Variants in ZNF385C observed in about 807,000 individuals in gnomAD.
ZNF385C encodes the protein zinc finger protein 385C, also known as CTD-2132N18.2.
ZNF385C carries 28 observed loss-of-function variants against 35.4 expected under a neutral mutation model. The ratio of observed to expected loss-of-function variants is 0.79; its 90% CI spans 0.59 to 1.08. The LOEUF (loss-of-function observed/expected upper bound fraction) is 1.08, where lower values mean the gene tolerates loss of function less well. Ranked by LOEUF, ZNF385C falls within the 50% of genes least tolerant of loss-of-function variation. The probability of loss-of-function intolerance (pLI) is 0.00; values close to 1 mark genes in which losing one functional copy is unlikely to be tolerated. For synonymous variants in ZNF385C, 248 were observed against 248.2 expected (o/e 1.00, Z 0.01); for missense variants, 605 against 595.6 (o/e 1.02, Z -0.16).
intron 1 of ZNF385C, among the ~76,000 whole-genome samples, chr17:42,077,407 G>C (rs565514308): frequency 2.2e-4 from 34 of 152,268 alleles, no homozygotes; most frequent in Admixed American, 3.9e-4. Context: ...GGACATTGAG[G>C]CTCAGAGAGG....
In ZNF385C at chr17:42,031,597, AAG is replaced by A. The variant is rs1555654997; in HGVS notation, c.676+20_676+21del. 3.3e-6 allele frequency: 5 copies of A among 1,527,072 alleles called. No individual in the cohort carries two copies. The highest frequency in any genetic ancestry group is 3.5e-6 in the Non-Finnish European group (4 of 1,131,590). The allele number at this position is 1,527,072 out of a possible 1,614,324, so 94.6% of individuals were successfully genotyped here. ...CCAGATTTGGAGTGGAGACGTGGGA[AAG>A]AGAAGAGCTCAGGACTGACCTTTAC... On this transcript the variant is annotated intron_variant, in intron 5 of 8. Coordinates refer to ENST00000692273, the MANE Select transcript of ZNF385C (RefSeq NM_001392013.1).
chr17:42,027,164 C>T (rs781827435), intron 8 of ZNF385C, 31 bp from the exon 9 acceptor site: 3 of 1,601,710 alleles, frequency 1.9e-6, no homozygotes, highest in Non-Finnish European at 2.6e-6. Context: ...TGGACACAGT[C>T]TCCACCCCAG....
rs1360109661 is a variant in ZNF385C, at chr17:42,081,192, C to T, written c.-3+17218G>A. Among the ~76,000 whole-genome samples, 3 of 152,200 alleles carry T rather than the reference C, an allele frequency of 2.0e-5. No homozygotes were observed. The East Asian group carries it at 5.8e-4, about 29-fold the overall frequency. On this transcript the variant is annotated intron_variant, in intron 1 of 8. Coordinates refer to ENST00000692273, the MANE Select transcript of ZNF385C (RefSeq NM_001392013.1). The stretch of plus-strand genomic sequence containing the variant: ...TTAGGGGAAGAAGGATGGGCGCAGA[C>T]AATAAGCAGATAAACACATGAATCA...
intron 3 of ZNF385C, 58 bp downstream of exon 3, chr17:42,037,679 C>T (rs2052891295): frequency 2.1e-6 from 3 of 1,457,306 alleles, no homozygotes; most frequent in Non-Finnish European, 2.7e-6. Context: ...CTGAACCCAC[C>T]TTCTGTGCCC....
At chr17:42,061,044 T>C (rs1329176888) in intron 2 of ZNF385C, among the ~76,000 whole-genome samples, 3 of 152,146 alleles carry the variant, frequency 2.0e-5, no homozygotes, top group African/African-American at 7.2e-5. Flanking sequence ...AATCCACCTC[T>C]AGGAAGCCTG....
At chr17:42,055,111 C>T (rs1280211813) in intron 2 of ZNF385C, among the ~76,000 whole-genome samples, 2 of 152,186 alleles carry the variant, frequency 1.3e-5, no homozygotes, top group Admixed American at 6.5e-5. Flanking sequence ...GCCCCCGACC[C>T]CCTCAGCATC....
At chr17:42,034,170 A>G in intron 4 of ZNF385C, 55 bp downstream of exon 4, 1 of 1,404,526 alleles carries the variant, frequency 7.1e-7, no homozygotes, top group African/African-American at 1.4e-5. Flanking sequence ...CCCAGCCTCC[A>G]GCCCTCTCCC....
chr17:42,064,184 C>T (rs1257358457), intron 1 of ZNF385C, among the ~76,000 whole-genome samples: 3 of 151,886 alleles, frequency 2.0e-5, no homozygotes, highest in African/African-American at 7.3e-5. Context: ...ACAGTCTTTC[C>T]TTTCCAAGTC....
chr17:42,031,120 C>T (rs2052718970), intron 5 of ZNF385C, among the ~76,000 whole-genome samples: 1 of 152,080 alleles, frequency 6.6e-6, no homozygotes, highest in African/African-American at 2.4e-5. Flanking sequence ...TCACTGCAGC[C>T]TCGACCTCCT....
chr17:42,069,381 C>T (rs907265971), intron 1 of ZNF385C, among the ~76,000 whole-genome samples: 1 of 152,096 alleles, frequency 6.6e-6, no homozygotes, highest in Non-Finnish European at 1.5e-5. Flanking sequence ...CCTTGGCCAC[C>T]GTGAGGTGAT....
rs542325832 is a variant in ZNF385C at position 42,095,001 on chromosome 17, G to A, written c.-3+3409C>T. On this transcript the variant is annotated intron_variant, in intron 1 of 8. Coordinates refer to ENST00000692273, the MANE Select transcript of ZNF385C (RefSeq NM_001392013.1). The surrounding 1 kb of genome is among the most constrained non-coding windows in gnomAD (Gnocchi z 4.4). ...TGTCAGGGTGGGTCTGACCTGGGGT[G>A]GGGTTTAGGAGCGCACAACCCTATA... 5.9e-5 allele frequency among the ~76,000 whole-genome samples: 9 copies of A among 152,264 alleles called. No individual in the cohort carries two copies. In the East Asian group the frequency reaches 1.7e-3, roughly 29 times the overall value.
At chr17:42,057,020 C>A (rs2053386638) in intron 2 of ZNF385C, among the ~76,000 whole-genome samples, 1 of 152,100 alleles carries the variant, frequency 6.6e-6, no homozygotes, top group South Asian at 2.1e-4. Flanking sequence ...CCTGTAGTCA[C>A]AGCTACTTAG....
intron 2 of ZNF385C, among the ~76,000 whole-genome samples, chr17:42,055,679 G>A (rs2053363676): frequency 6.6e-6 from 1 of 152,164 alleles, no homozygotes; most frequent in African/African-American, 2.4e-5. Context: ...AGGCTGGAGG[G>A]CTTCCGGGGC....
At position 42,026,628 on chromosome 17, in the gene ZNF385C, T is replaced by G. The variant is rs2052583655; in HGVS notation, c.*269A>C. The G allele has an allele frequency of 1.9e-6, 1 of 525,156 alleles. No individual in the cohort carries two copies. Among genetic ancestry groups the G allele is most frequent in the Non-Finnish European group, 3.4e-6 (1 of 291,102 alleles). The allele number at this position is 525,156 out of a possible 1,614,324, so 32.5% of individuals were successfully genotyped here. On this transcript the variant is annotated 3_prime_UTR_variant, in exon 9 of 9. Coordinates refer to ENST00000692273, the MANE Select transcript of ZNF385C (RefSeq NM_001392013.1). ...GAGGAAAGTGAGAGCACCACATGGC[T>G]GGGGCTGAGATTTTGCATAGATCTT...
At chr17:42,067,032 G>A (rs1194593373) in intron 1 of ZNF385C, among the ~76,000 whole-genome samples, 9 of 152,040 alleles carry the variant, frequency 5.9e-5, no homozygotes, top group African/African-American at 1.9e-4. Flanking sequence ...TCGTGCCATG[G>A]CACTCAAGCC....
chr17:42,028,924 C>T lies in ZNF385C; in HGVS notation c.826G>A (p.Glu276Lys), dbSNP rs900605666. The change falls in exon 6 of 9, where the codon GAG becomes AAG. Residue 276 changes from glutamate to lysine, a missense_variant. By Grantham distance (56) the Glu-to-Lys change is moderately conservative. Coordinates refer to ENST00000692273, the MANE Select transcript of ZNF385C (RefSeq NM_001392013.1). The part of the protein sequence containing the change: ...CPPCSPEPGR[E>K]APGPEPAAAA... Reference sequence around the variant, plus strand: ...GCCGCTGGCTCAGGCCCCGGTGCCTCTCTCCCAGGCTCTGGGGAGCAAGGT... The same window carrying T: ...GCCGCTGGCTCAGGCCCCGGTGCCTTTCTCCCAGGCTCTGGGGAGCAAGGT... The T allele has an allele frequency of 7.6e-5, 118 of 1,550,478 alleles. No homozygotes were observed. Among genetic ancestry groups the T allele is most frequent in the Non-Finnish European group, 9.8e-5 (112 of 1,147,006 alleles).
chr17:42,063,427 C>G (rs1324855527), intron 1 of ZNF385C, among the ~76,000 whole-genome samples: 3 of 152,184 alleles, frequency 2.0e-5, no homozygotes, highest in Non-Finnish European at 1.5e-5. Context: ...ACTCAGGAGG[C>G]TGATGCAGGA....
At chr17:42,043,683 C>T (rs782279157) in intron 2 of ZNF385C, 17 of 257,058 alleles carry the variant, frequency 6.6e-5, no homozygotes, top group Admixed American at 1.1e-4. Flanking sequence ...TGGAGGGACT[C>T]ACTGGGGCAG....
At chr17:42,027,252 T>G in intron 8 of ZNF385C, 119 bp from the exon 9 acceptor site, 1 of 877,396 alleles carries the variant, frequency 1.1e-6, no homozygotes, top group East Asian at 2.5e-5. Flanking sequence ...GTTCCAAACC[T>G]AAATCCTCCT....
Sources: gnomAD v4.1 joint callset for allele counts (sites outside exome capture counted in the v4.1 genomes callset) on GRCh38, gnomAD v4.1.1 for gene constraint, Gnocchi (gnomAD v3.1) non-coding constraint, MANE v1.5 for transcripts, NCBI Gene and HGNC (gene_info 2026-07-23, HGNC 2026-07-21) for gene names.